Variants in TMPRSS15 observed in about 807,000 individuals in gnomAD.
TMPRSS15 encodes the protein transmembrane serine protease 15.
In TMPRSS15, 128 loss-of-function variants were observed where a neutral mutation model predicts 125.3. The ratio of observed to expected loss-of-function variants is 1.02; its 90% CI spans 0.89 to 1.18. The LOEUF (loss-of-function observed/expected upper bound fraction) is 1.18. Ranked by LOEUF, TMPRSS15 falls within the 50% of genes most tolerant of loss-of-function variation. TMPRSS15 has a pLI of 0.00. For synonymous variants in TMPRSS15, 446 were observed against 423.2 expected (o/e 1.05, Z -0.66); for missense variants, 1,283 against 1,212.7 (o/e 1.06, Z -0.86).
intron 6 of TMPRSS15, among the ~76,000 whole-genome samples, chr21:18,367,947 A>G (rs2147038636): frequency 6.6e-6 from 1 of 152,198 alleles, no homozygotes; most frequent in Non-Finnish European, 1.5e-5. Flanking sequence ...GACATCACCC[A>G]CTCTTTGAAC....
chr21:18,484,792 T>A (rs763892106), intron 1 of TMPRSS15, among the ~76,000 whole-genome samples: 34 of 151,870 alleles, frequency 2.2e-4, no homozygotes, highest in Non-Finnish European at 3.7e-4. Context: ...CATAATTACC[T>A]AGCATCATTG....
intron 13 of TMPRSS15, among the ~76,000 whole-genome samples, chr21:18,336,898 T>TA (rs35152086): frequency 0.97 from 148,032 of 152,312 alleles, 72,080 homozygotes; most frequent in Middle Eastern, 1. Context: ...AACACACTGA[T>TA]CAACTAAGCA....
At chr21:18,387,875 A>G (rs1164449304) in intron 3 of TMPRSS15, among the ~76,000 whole-genome samples, 5 of 152,196 alleles carry the variant, frequency 3.3e-5, no homozygotes, top group Admixed American at 2.0e-4. Context: ...CTGTTAGGTG[A>G]GAACTCAGTT....
intron 21 of TMPRSS15, among the ~76,000 whole-genome samples, chr21:18,283,389 C>T (rs375962150): frequency 6.6e-6 from 1 of 152,000 alleles, no homozygotes; most frequent in Non-Finnish European, 1.5e-5. Context: ...ACATTTACCT[C>T]ACACATTCAC....
chr21:18,283,512 T>C (rs2074726405), intron 21 of TMPRSS15, among the ~76,000 whole-genome samples: 1 of 151,840 alleles, frequency 6.6e-6, no homozygotes, highest in Admixed American at 6.6e-5. Context: ...ATAACCAATG[T>C]ATTGTAATAG....
intron 16 of TMPRSS15, among the ~76,000 whole-genome samples, chr21:18,323,834 C>T (rs1396088804): frequency 1.3e-5 from 2 of 152,002 alleles, no homozygotes; most frequent in African/African-American, 2.4e-5. Flanking sequence ...GAAGAGAGTA[C>T]ATAATTTTAC....
chr21:18,343,467 A>C (rs2075470372), intron 12 of TMPRSS15, 39 bp downstream of exon 12: 1 of 1,524,068 alleles, frequency 6.6e-7, no homozygotes, highest in Non-Finnish European at 9.1e-7. Flanking sequence ...TTCCACCACA[A>C]AAAGGATACA....
At chr21:18,445,234 G>T (rs2076252698) in intron 1 of TMPRSS15, among the ~76,000 whole-genome samples, 1 of 145,284 alleles carries the variant, frequency 6.9e-6, no homozygotes, top group Admixed American at 6.9e-5. Context: ...AGACAGAGTT[G>T]AGCTTTGTTG....
At chr21:18,483,716 A>G (rs1439789014) in intron 1 of TMPRSS15, among the ~76,000 whole-genome samples, 1 of 151,918 alleles carries the variant, frequency 6.6e-6, no homozygotes, top group African/African-American at 2.4e-5. Flanking sequence ...TTGACAACTC[A>G]TCTCACTTTT....
chr21:18,326,662 G>T, intron 15 of TMPRSS15, 90 bp from the exon 16 acceptor site: 1 of 1,476,980 alleles, frequency 6.8e-7, no homozygotes, highest in Non-Finnish European at 9.4e-7. Flanking sequence ...TCTGCCAGAC[G>T]TAGGGCTACA....
intron 14 of TMPRSS15, among the ~76,000 whole-genome samples, chr21:18,329,966 G>A (rs2075328843): frequency 6.6e-6 from 1 of 151,782 alleles, no homozygotes; most frequent in South Asian, 2.1e-4. Context: ...TCAGATGCAG[G>A]CAAATTTATT....
intron 22 of TMPRSS15, among the ~76,000 whole-genome samples, chr21:18,280,211 C>T (rs1049940128): frequency 3.3e-5 from 5 of 152,180 alleles, no homozygotes; most frequent in African/African-American, 1.2e-4. Flanking sequence ...ATTTCTTGCA[C>T]ATTTTCCAGG....
chr21:18,407,197 G>A (rs888185209), upstream of TMPRSS15, among the ~76,000 whole-genome samples: 1 of 152,036 alleles, frequency 6.6e-6, no homozygotes, highest in African/African-American at 2.4e-5. Flanking sequence ...GAACAACAAG[G>A]TGTATTTGTA....
chr21:18,410,045 T>G (rs1309897641), intron 1 of TMPRSS15, among the ~76,000 whole-genome samples: 1 of 151,556 alleles, frequency 6.6e-6, no homozygotes, highest in African/African-American at 2.4e-5. Flanking sequence ...TTTCATTGTT[T>G]TCCCATAGAG....
intron 16 of TMPRSS15, 105 bp downstream of exon 16, chr21:18,326,327 A>C: frequency 2.8e-6 from 4 of 1,423,044 alleles, no homozygotes; most frequent in Non-Finnish European, 4.0e-6. Context: ...AATAAGTGTC[A>C]CAGAAGGAAA....
chr21:18,377,109 G>A lies in TMPRSS15; in HGVS notation c.532+2174C>T, dbSNP rs551189436. Among the ~76,000 whole-genome samples the A allele has an allele frequency of 1.5e-3, 221 of 152,216 alleles. 1 individual carries two copies. Among genetic ancestry groups the A allele is most frequent in the South Asian group, 4.3e-3 (21 of 4,830 alleles). The stretch of plus-strand genomic sequence containing the variant: ...CCGTATGAGAGGAATAAACGGCAAG[G>A]ATGACTGGGCATTTATGTAGTACAT... On this transcript the variant is annotated intron_variant, in intron 5 of 24. Transcript: ENST00000284885.
intron 13 of TMPRSS15, among the ~76,000 whole-genome samples, chr21:18,336,216 T>C (rs2075391279): frequency 6.6e-6 from 1 of 152,142 alleles, no homozygotes. Flanking sequence ...AGGGTTTTAA[T>C]TAAAGATATT....
chr21:18,373,916 A>T (rs1645375872), intron 5 of TMPRSS15, among the ~76,000 whole-genome samples: 2 of 152,234 alleles, frequency 1.3e-5, no homozygotes, highest in Non-Finnish European at 2.9e-5. Context: ...AGAGACAGAG[A>T]TAAAAGAATG....
At chr21:18,365,444 G>GA (rs2075717623) in intron 6 of TMPRSS15, among the ~76,000 whole-genome samples, 196 bp from the exon 7 acceptor site, 1 of 151,922 alleles carries the variant, frequency 6.6e-6, no homozygotes, top group Non-Finnish European at 1.5e-5. Flanking sequence ...AAATATTTTG[G>GA]AAAAATTCTT....
Sources: allele counts gnomAD v4.1 joint callset (sites outside exome capture counted in the v4.1 genomes callset), GRCh38; gene constraint gnomAD v4.1.1; transcripts MANE v1.5; gene names NCBI Gene and HGNC (gene_info 2026-07-23, HGNC 2026-07-21).